The following GREB1 variants were observed in gnomAD, a reference collection of about 807,000 sequenced individuals.
GREB1 encodes the protein growth regulating estrogen receptor binding 1.
In GREB1, 106 loss-of-function variants were observed where a neutral mutation model predicts 200.7. The observed-to-expected ratio is 0.53, with a 90% CI of 0.45 to 0.62. The LOEUF is 0.62. Among genes scored for constraint, GREB1 ranks in the 20% least tolerant of loss-of-function variants. The pLI, the probability that GREB1 is intolerant of heterozygous loss-of-function variation, is 0.00. For synonymous variants in GREB1, 1,132 were observed against 1,092.4 expected, an observed-to-expected ratio of 1.04 and a Z score of -0.72; for missense variants, 2,243 against 2,556.8, an observed-to-expected ratio of 0.88 and a Z score of 2.65.
At chr2:11,483,685 GGGGTGTGTGT>G (rs1222477580) in intron 1 of GREB1, among the ~76,000 whole-genome samples, 3 of 102,032 alleles carry the variant, frequency 2.9e-5, no homozygotes, top group African/African-American at 1.2e-4. Context: ...AGTACAAGAA[GGGGTGTGTGT>G]GTGTGTGTGT....
At chr2:11,615,379 C>A in intron 20 of GREB1, 89 bp downstream of exon 20, 1 of 1,123,586 alleles carries the variant, frequency 8.9e-7, no homozygotes, top group Non-Finnish European at 1.3e-6. Context: ...CTTATGGAGA[C>A]AGCTGTCTCC....
chr2:11,618,260 G>A (rs376945711), intron 21 of GREB1, 28 bp from the exon 22 acceptor site: 79 of 1,518,608 alleles, frequency 5.2e-5, no homozygotes, highest in Non-Finnish European at 6.5e-5. Flanking sequence ...CTTCTAGGAC[G>A]TCCCTGACCA....
At chr2:11,587,858 G>A in intron 9 of GREB1, 1 of 1,016,740 alleles carries the variant, frequency 9.8e-7, no homozygotes, top group Non-Finnish European at 1.2e-6. Flanking sequence ...TTAGCATCAT[G>A]TAGGTAAAGA....
rs1343673125 is a variant in GREB1, at chr2:11,602,465, C to T, written c.2589C>T (p.Ser863=). ...TCGGGCTGTCGGAGTTTATTGAATC[C>T]ACCCTTTCAGGACACAGCCTCCCCT... ...KYFGLSEFIE[S]TLSGHSLPLL... The change falls in exon 17 of 33, where the codon TCC becomes TCT. Residue 863 remains serine, a synonymous_variant. Transcript: ENST00000381486. 2 of 1,612,456 alleles carry T rather than the reference C, an allele frequency of 1.2e-6. No homozygotes were observed. The highest frequency in any genetic ancestry group is 2.2e-5 in the South Asian group (2 of 91,052).
intron 1 of GREB1, among the ~76,000 whole-genome samples, chr2:11,486,207 G>T (rs79347326): frequency 0.023 from 3,563 of 152,236 alleles, 149 homozygotes; most frequent in African/African-American, 0.082. Flanking sequence ...TCATAATGAC[G>T]CCAGGCAGTT....
Position 11,618,200 on chromosome 2 carries a change from G to GGGACAGGTCACTCCTGGGATGGGCC in GREB1, c.3413-88_3413-87insGGACAGGTCACTCCTGGGATGGGCC, listed in dbSNP as rs1683633604. 3.4e-4 allele frequency: 295 copies of GGGACAGGTCACTCCTGGGATGGGCC among 877,830 alleles called. 6 individuals are homozygous for GGGACAGGTCACTCCTGGGATGGGCC. The highest frequency in any genetic ancestry group is 3.3e-3 in the South Asian group (142 of 42,482). The allele number at this position is 877,830 out of a possible 1,614,324, so 54.4% of individuals were successfully genotyped here. A position where few individuals can be genotyped will look rare whatever the true frequency, so the allele number is the denominator to read the frequency against. The stretch of plus-strand genomic sequence containing the variant: ...GGGACAGGTCACTCCTGGGATGGGT[G>GGGACAGGTCACTCCTGGGATGGGCC]ACTCCTGGGACAGGTCACTCCTGGG... On this transcript the variant is annotated intron_variant, in intron 21 of 32. Coordinates refer to ENST00000381486, the MANE Select transcript of GREB1 (RefSeq NM_014668.4).
In GREB1 at chr2:11,612,534, A is replaced by C; in HGVS notation, c.3046A>C (p.Thr1016Pro). ...KIEDVEWRPQ[T>P]YLELEGLPCI... ...TGAGGATGTGGAGTGGAGACCCCAG[A>C]CTTACTTGGAGCTGGAGGGTCTGCC... The change falls in exon 19 of 33, where the codon ACT becomes CCT. Residue 1016 changes from threonine (T) to proline (P), a missense_variant. Transcript: ENST00000381486. 1 of 1,612,992 alleles carries C rather than the reference A, an allele frequency of 6.2e-7. No homozygotes were observed. Among genetic ancestry groups the C allele is most frequent in the Non-Finnish European group, 8.5e-7 (1 of 1,179,648 alleles).
chr2:11,522,737 C>T (rs1355494706), intron 1 of GREB1, among the ~76,000 whole-genome samples: 1 of 152,166 alleles, frequency 6.6e-6, no homozygotes, highest in Non-Finnish European at 1.5e-5. Context: ...GAGGCTTCCG[C>T]TGGGGAGCAT....
At chr2:11,552,523 C>T (rs1387693901) in intron 1 of GREB1, among the ~76,000 whole-genome samples, 5 of 152,186 alleles carry the variant, frequency 3.3e-5, no homozygotes, top group Non-Finnish European at 7.3e-5. Flanking sequence ...CTTTAGTTCT[C>T]CACTGGTCAA....
chr2:11,585,755 T>C lies in GREB1; in HGVS notation c.1016-7T>C. On this transcript the variant is annotated splice_polypyrimidine_tract_variant and splice_region_variant and intron_variant, in intron 8 of 32. Coordinates refer to ENST00000381486, the MANE Select transcript of GREB1 (RefSeq NM_014668.4). The stretch of plus-strand genomic sequence containing the variant: ...ATGTTTTCACTAATATTCTTGGGTG[T>C]TCCTAGAGAGCGCAGGCATGTCCTG... The C allele has an allele frequency of 6.2e-7, 1 of 1,612,662 alleles. No homozygotes were observed. Among genetic ancestry groups the C allele is most frequent in the Non-Finnish European group, 8.5e-7 (1 of 1,179,992 alleles).
intron 17 of GREB1, among the ~76,000 whole-genome samples, chr2:11,607,477 CACAT>C (rs1682435723): frequency 6.9e-6 from 1 of 144,808 alleles, no homozygotes; most frequent in East Asian, 2.0e-4. Context: ...TATATACACA[CACAT>C]ACATATATAT....
At chr2:11,612,339 T>G in intron 18 of GREB1, 156 bp from the exon 19 acceptor site, 2 of 1,378,028 alleles carry the variant, frequency 1.5e-6, no homozygotes, top group East Asian at 5.8e-5. Context: ...GCCAAGTGGA[T>G]GGTGTGCTTA....
chr2:11,556,921 T>G, intron 2 of GREB1, 150 bp downstream of exon 2: 2 of 603,760 alleles, frequency 3.3e-6, no homozygotes, highest in Non-Finnish European at 5.4e-6. Flanking sequence ...GTACAAGTTC[T>G]TACTTTGGCT....
Position 11,642,496 on chromosome 2 carries a change from A to G in GREB1, c.*2042A>G, listed in dbSNP as rs1395290163. 3 of 152,210 alleles carry G rather than the reference A, an allele frequency of 2.0e-5. No individual in the cohort carries two copies. The allele number at this position is 152,210 out of a possible 1,614,324, so 9.4% of individuals were successfully genotyped here. On this transcript the variant is annotated 3_prime_UTR_variant, in exon 33 of 33. Coordinates refer to ENST00000381486, the MANE Select transcript of GREB1 (RefSeq NM_014668.4). ...CTCTAATGGATAACAATCCAAGAATAAATGATTGTAAAAGATGATGCCGAA... is the reference window on the plus strand; with the variant it reads ...CTCTAATGGATAACAATCCAAGAATGAATGATTGTAAAAGATGATGCCGAA...
At chr2:11,541,774 G>A (rs918000270) in intron 1 of GREB1, among the ~76,000 whole-genome samples, 5 of 152,142 alleles carry the variant, frequency 3.3e-5, no homozygotes, top group African/African-American at 1.2e-4. Context: ...TAGGCTGAAC[G>A]GGCCCCTCGT....
intron 1 of GREB1, among the ~76,000 whole-genome samples, chr2:11,547,489 C>T (rs1181579157): frequency 6.6e-6 from 1 of 152,206 alleles, no homozygotes; most frequent in South Asian, 2.1e-4. Flanking sequence ...CTGCAGTCTA[C>T]CATGATCTTC....
In GREB1 at chr2:11,632,055, A is replaced by G. The variant is rs1684920648; in HGVS notation, c.4758A>G (p.Lys1586=). The part of the protein sequence containing the change: ...VKEYEMAIYK[K]YWPNHIMLVL... ...AATACGAGATGGCAATTTATAAGAA[A>G]TATTGGCCCAACCACATCATGCTGG... The change falls in exon 27 of 33, where the codon AAA becomes AAG. Residue 1586 remains lysine (K), a synonymous_variant. Transcript: ENST00000381486. 2 of 1,614,124 alleles carry G rather than the reference A, an allele frequency of 1.2e-6. No individual in the cohort carries two copies. Among genetic ancestry groups the G allele is most frequent in the Non-Finnish European group, 1.7e-6 (2 of 1,179,990 alleles).
At position 11,585,767 on chromosome 2, in the gene GREB1, G is replaced by A. The variant is rs192688544; in HGVS notation, c.1021G>A (p.Ala341Thr). 38 of 1,612,966 alleles carry A rather than the reference G, an allele frequency of 2.4e-5. No individual in the cohort carries two copies. Among genetic ancestry groups the A allele is most frequent in the Middle Eastern group, 2.0e-4 (1 of 5,038 alleles). The change falls in exon 9 of 33, where the codon GCA (alanine) becomes ACA (threonine). Residue 341 changes from alanine to threonine, a missense_variant. Physicochemically the swap from Ala to Thr is moderately conservative, Grantham distance 58. This residue lies in a region of GREB1 where 1,178 missense variants were observed against 1,387.4 expected (regional missense o/e 0.85). Transcript: ENST00000381486. ...GGGNRAKYES[A>T]GMSCVPQVGL... ...ATATTCTTGGGTGTTCCTAGAGAGC[G>A]CAGGCATGTCCTGCGTGCCGCAGGT...
At chr2:11,607,555 CAT>C (rs1215216428) in intron 17 of GREB1, among the ~76,000 whole-genome samples, 173 of 135,708 alleles carry the variant, frequency 1.3e-3, no homozygotes, top group South Asian at 4.9e-3. Flanking sequence ...TATGTACATA[CAT>C]ATATATACGC....
Sources: gnomAD v4.1 joint callset for allele counts (sites outside exome capture counted in the v4.1 genomes callset) on GRCh38, gnomAD v4.1.1 for gene constraint, gnomAD v4.1.1 regional missense constraint, MANE v1.5 for transcripts, NCBI Gene and HGNC (gene_info 2026-07-23, HGNC 2026-07-21) for gene names.